The following UBE2H variants were observed in gnomAD, a reference collection of about 807,000 sequenced individuals.
UBE2H encodes ubiquitin conjugating enzyme E2 H.
A neutral mutation model predicts 29.0 loss-of-function variants in UBE2H; 3 were observed. That is an observed-to-expected ratio of 0.10 (90% CI 0.05 to 0.27). The LOEUF (loss-of-function observed/expected upper bound fraction) is 0.27. Among genes scored for constraint, UBE2H ranks in the 10% least tolerant of loss-of-function variants. UBE2H has a pLI of 1.00. For missense variants in UBE2H, 68 were observed against 228.2 expected (o/e 0.30, Z 4.52); for synonymous variants, 69 against 82.9 (o/e 0.83, Z 0.91).
chr7:129,867,419 A>C (rs1032105046), intron 3 of UBE2H, among the ~76,000 whole-genome samples: 107 of 139,274 alleles, frequency 7.7e-4, no homozygotes, highest in Non-Finnish European at 1.3e-3. Flanking sequence ...TGAAATTGGA[A>C]ACCATCATTC....
intron 3 of UBE2H, among the ~76,000 whole-genome samples, chr7:129,870,286 T>C (rs1213165387): frequency 6.6e-6 from 1 of 152,166 alleles, no homozygotes; most frequent in Non-Finnish European, 1.5e-5. Flanking sequence ...CTCTCTACAA[T>C]AAGCACTTTA....
At chr7:129,847,660 T>C (rs554068384) in intron 5 of UBE2H, among the ~76,000 whole-genome samples, 8 of 152,256 alleles carry the variant, frequency 5.3e-5, no homozygotes, top group Admixed American at 2.6e-4. Context: ...TCTCTTTAAA[T>C]AAAAAAGAAA....
intron 1 of UBE2H, among the ~76,000 whole-genome samples, chr7:129,948,651 C>CA (rs1312836398): frequency 6.6e-6 from 1 of 151,904 alleles, no homozygotes; most frequent in African/African-American, 2.4e-5. Flanking sequence ...TCGGTCTCTA[C>CA]AAAAAATGTA....
chr7:129,909,369 G>A (rs954580776), intron 1 of UBE2H, among the ~76,000 whole-genome samples: 1 of 152,068 alleles, frequency 6.6e-6, no homozygotes, highest in Non-Finnish European at 1.5e-5. Context: ...GAAGCACCCC[G>A]TGAATTTCTG....
chr7:129,888,588 C>T (rs1806411150), intron 1 of UBE2H, among the ~76,000 whole-genome samples: 1 of 152,190 alleles, frequency 6.6e-6, no homozygotes, highest in Admixed American at 6.5e-5. Context: ...CATTCTCCTG[C>T]CTCGGCCTCC....
At chr7:129,845,299 T>G (rs1418296892) in intron 5 of UBE2H, among the ~76,000 whole-genome samples, 1 of 152,210 alleles carries the variant, frequency 6.6e-6, no homozygotes, top group Non-Finnish European at 1.5e-5. Context: ...GGTTTAGGAC[T>G]GGATGGGATC....
intron 2 of UBE2H, 33 bp from the exon 3 acceptor site, chr7:129,879,675 A>G: frequency 6.5e-7 from 1 of 1,548,624 alleles, no homozygotes; most frequent in South Asian, 1.2e-5. Context: ...CATCAGAACT[A>G]CATCTCCAAA....
chr7:129,907,523 G>A (rs1461750006), intron 1 of UBE2H, among the ~76,000 whole-genome samples: 2 of 152,144 alleles, frequency 1.3e-5, no homozygotes, highest in African/African-American at 2.4e-5. Flanking sequence ...GTAGATAAAA[G>A]CAGATAAGTA....
At position 129,928,101 on chromosome 7, in the gene UBE2H, G is replaced by A. The variant is rs565635897; in HGVS notation, c.53+24402C>T. On this transcript the variant is annotated intron_variant, in intron 1 of 6. Coordinates refer to ENST00000355621, the MANE Select transcript of UBE2H (RefSeq NM_003344.4). ...TAATCCCAATACTTTGGGAGGCTGA[G>A]GCAGGCGGATCATGAGGTCTGGGGT... Among the ~76,000 whole-genome samples the A allele has an allele frequency of 7.9e-5, 12 of 151,902 alleles. No homozygotes were observed. In the South Asian group the frequency reaches 2.5e-3, roughly 32 times the overall value.
chr7:129,864,438 A>C (rs1805858389), intron 3 of UBE2H, among the ~76,000 whole-genome samples: 1 of 152,250 alleles, frequency 6.6e-6, no homozygotes, highest in South Asian at 2.1e-4. Flanking sequence ...AAGATATTTT[A>C]AGAGAACATA....
At chr7:129,892,124 T>C (rs1563036729) in intron 1 of UBE2H, among the ~76,000 whole-genome samples, 2 of 152,038 alleles carry the variant, frequency 1.3e-5, no homozygotes, top group Non-Finnish European at 2.9e-5. Flanking sequence ...AGCTAATTTT[T>C]TGTATTTTTG....
At chr7:129,835,418 C>G (rs2116254352) in intron 6 of UBE2H, among the ~76,000 whole-genome samples, 1 of 152,280 alleles carries the variant, frequency 6.6e-6, no homozygotes, top group East Asian at 1.9e-4. Context: ...TAGGACCAGT[C>G]ATGATTCCAT....
chr7:129,890,964 C>G (rs1409112842), intron 1 of UBE2H, among the ~76,000 whole-genome samples: 1 of 151,730 alleles, frequency 6.6e-6, no homozygotes, highest in African/African-American at 2.4e-5. Context: ...GAAACCCCGT[C>G]TCTACTAAAA....
At position 129,952,710 on chromosome 7, in the gene UBE2H, A is replaced by G; in HGVS notation, c.-155T>C. On this transcript the variant is annotated 5_prime_UTR_variant, in exon 1 of 7. Coordinates refer to ENST00000355621, the MANE Select transcript of UBE2H (RefSeq NM_003344.4). ...GTCAGCCGCCGCCGCCGCCCCCCGC[A>G]CGGGGGAACACCGGGCACTGTCCGG... The G allele has an allele frequency of 7.6e-6, 6 of 785,064 alleles. No homozygotes were observed. Among genetic ancestry groups the G allele is most frequent in the South Asian group, 2.6e-5 (1 of 38,890 alleles). The allele number at this position is 785,064 out of a possible 1,614,324, so 48.6% of individuals were successfully genotyped here. A position where few individuals can be genotyped will look rare whatever the true frequency, so the allele number is the denominator to read the frequency against.
chr7:129,943,070 T>C (rs1807680836), intron 1 of UBE2H, among the ~76,000 whole-genome samples: 1 of 152,204 alleles, frequency 6.6e-6, no homozygotes, highest in Non-Finnish European at 1.5e-5. Context: ...CTTGAACTCT[T>C]GACCTCAGGT....
chr7:129,946,598 C>T (rs997340324), intron 1 of UBE2H, among the ~76,000 whole-genome samples: 1 of 152,126 alleles, frequency 6.6e-6, no homozygotes, highest in Admixed American at 6.6e-5. Flanking sequence ...TTAGAAAACT[C>T]CAGGAGTGGT....
chr7:129,925,279 A>G (rs913835993), intron 1 of UBE2H, among the ~76,000 whole-genome samples: 2 of 152,054 alleles, frequency 1.3e-5, no homozygotes, highest in African/African-American at 4.8e-5. Context: ...TCCAGGAGGC[A>G]GAGGTTGCAG....
intron 5 of UBE2H, chr7:129,857,236 T>C (rs1805722337): frequency 7.2e-6 from 3 of 418,256 alleles, no homozygotes; most frequent in African/African-American, 2.1e-5. Context: ...TGCACATGTA[T>C]TCATGTGTGT....
rs1489955130 is a variant in UBE2H at position 129,832,806 on chromosome 7, ATTT to A, written c.*2128_*2130del. On this transcript the variant is annotated 3_prime_UTR_variant, in exon 7 of 7. Transcript: ENST00000355621. ...GTTTATACAATATTGAAAAAATACA[ATTT>A]TTTATTGTTTGAACTCAAATCACCA... 1 of 152,104 alleles carries A rather than the reference ATTT, an allele frequency of 6.6e-6. No individual in the cohort carries two copies. Among genetic ancestry groups the A allele is most frequent in the Non-Finnish European group, 1.5e-5 (1 of 68,000 alleles). The allele number at this position is 152,104 out of a possible 1,614,324, so 9.4% of individuals were successfully genotyped here. A position where few individuals can be genotyped will look rare whatever the true frequency, so the allele number is the denominator to read the frequency against.
Sources: allele counts gnomAD v4.1 joint callset (sites outside exome capture counted in the v4.1 genomes callset), GRCh38; gene constraint gnomAD v4.1.1; transcripts MANE v1.5; gene names NCBI Gene and HGNC (gene_info 2026-07-23, HGNC 2026-07-21).